MYO1H: variants seen among roughly 807,000 people sequenced by gnomAD.
MYO1H encodes myosin IH.
Under a neutral mutation model 149.3 loss-of-function variants are expected in MYO1H, and 118 were observed. The observed-to-expected ratio is 0.79, with a 90% CI of 0.68 to 0.92. The LOEUF (loss-of-function observed/expected upper bound fraction) is 0.92. MYO1H is among the 40% of genes least tolerant of loss of function. The pLI is 0.00. For synonymous variants in MYO1H, 447 were observed against 465.2 expected, an observed-to-expected ratio of 0.96 and a Z score of 0.50; for missense variants, 1,212 against 1,280.7, an observed-to-expected ratio of 0.95 and a Z score of 0.82.
rs1872237338 is a variant in MYO1H, at chr12:109,443,040, G to GTGTGTGTATATATGTGTACGTA, written c.2689-428_2689-407dup. Among the ~76,000 whole-genome samples the GTGTGTGTATATATGTGTACGTA allele has an allele frequency of 2.1e-4, 9 of 42,734 alleles. 2 individuals carry two copies. Among genetic ancestry groups the GTGTGTGTATATATGTGTACGTA allele is most frequent in the Non-Finnish European group, 3.1e-4 (6 of 19,368 alleles). 28.0% of individuals were successfully genotyped at this position (42,734 alleles called of 152,430 possible). ...TATATATATATATATGTGTGTGTGT[G>GTGTGTGTATATATGTGTACGTA]TGTGTGTATATATGTGTACGTATGT... On this transcript the variant is annotated intron_variant, in intron 27 of 31. Coordinates refer to ENST00000310903, the Ensembl canonical transcript of MYO1H.
chr12:109,407,238 G>A (rs1173358306), intron 9 of MYO1H, among the ~76,000 whole-genome samples: 1 of 152,020 alleles, frequency 6.6e-6, no homozygotes, highest in African/African-American at 2.4e-5. Context: ...AGCACCCTAT[G>A]TATCTCTTGT....
the MYO1H span, among the ~76,000 whole-genome samples, chr12:109,322,589 G>C: frequency 1.3e-5 from 2 of 152,112 alleles, no homozygotes; most frequent in Non-Finnish European, 2.9e-5. Context: ...GGGAGGCTGA[G>C]GCAGGTGGAT....
chr12:109,445,534 G>A (rs763756263), exon 31 of MYO1H: 12 of 1,610,304 alleles, frequency 7.5e-6, no homozygotes, highest in African/African-American at 2.7e-5. Context: ...TTATTAGTCC[G>A]GGAAAAGAAG....
exon 16 of MYO1H, chr12:109,421,025 G>A (rs1430793603): frequency 3.2e-6 from 5 of 1,575,870 alleles, no homozygotes; most frequent in African/African-American, 1.4e-5. Flanking sequence ...ACATCTGAAA[G>A]AAGTAAGTCT....
At position 109,427,455 on chromosome 12, in the gene MYO1H, C is replaced by T. The variant is rs773529671; in HGVS notation, c.1832-14C>T. 8 of 1,549,602 alleles carry T rather than the reference C, an allele frequency of 5.2e-6. No homozygotes were observed. The South Asian group carries it at 6.7e-5, about 13-fold the overall frequency. On this transcript the variant is annotated splice_polypyrimidine_tract_variant and intron_variant, in intron 18 of 31. Transcript: ENST00000310903. ...GGATCCTTTCCTGTCATTCTCTGTT[C>T]TATTTCTCCAAAGGCAAATTTGATG...
exon 21 of MYO1H, chr12:109,435,065 A>G: frequency 6.2e-7 from 1 of 1,609,000 alleles, no homozygotes; most frequent in South Asian, 1.1e-5. Context: ...TTTCCCCAGA[A>G]CTCTGTTTGC....
chr12:109,413,802 C>T (rs1463653103), intron 14 of MYO1H, among the ~76,000 whole-genome samples: 2 of 151,978 alleles, frequency 1.3e-5, no homozygotes, highest in African/African-American at 4.8e-5. Flanking sequence ...TCCAGCTACT[C>T]AGGAGGCTGA....
the MYO1H span, among the ~76,000 whole-genome samples, chr12:109,337,497 G>C: frequency 3.6e-4 from 55 of 152,256 alleles, no homozygotes; most frequent in African/African-American, 1.3e-3. Flanking sequence ...TCACAATAGG[G>C]GTGGAAACTG....
chr12:109,403,993 CAA>C lies in MYO1H; in HGVS notation c.764_765del (p.Lys255ArgfsTer5), dbSNP rs1382629207. On this transcript the variant is annotated frameshift_variant, in exon 7 of 32. Transcript: ENST00000310903. LOFTEE classifies it high-confidence loss of function. Reference sequence around the variant, plus strand: ...CTTTTTGTCAACAGGGTCATTGTGCCAAAGAGTCATCCATTAGTGACAAGAAT... The same window carrying C: ...CTTTTTGTCAACAGGGTCATTGTGCCAGAGTCATCCATTAGTGACAAGAAT... 3 of 1,613,144 alleles carry C rather than the reference CAA, an allele frequency of 1.9e-6. No homozygotes were observed. Among genetic ancestry groups the C allele is most frequent in the Non-Finnish European group, 8.5e-7 (1 of 1,179,398 alleles).
At chr12:109,442,795 CTT>C (rs747073389) in intron 27 of MYO1H, among the ~76,000 whole-genome samples, 2,796 of 93,950 alleles carry the variant, frequency 0.03, 61 homozygotes, top group Admixed American at 0.036. Flanking sequence ...AGTGTCTGCT[CTT>C]TTTTTTTTTT....
exon 15 of MYO1H, chr12:109,415,549 G>A (rs1340277627): frequency 3.1e-6 from 5 of 1,607,620 alleles, no homozygotes; most frequent in Admixed American, 3.4e-5. Context: ...GGTCCAAAGG[G>A]CCGAAAGAGG....
At chr12:109,359,056 G>T (rs1220284811) in intron 1 of MYO1H, among the ~76,000 whole-genome samples, 1 of 151,986 alleles carries the variant, frequency 6.6e-6, no homozygotes, top group Non-Finnish European at 1.5e-5. Flanking sequence ...ATGGTTTTCG[G>T]TGTCTGTGCC....
chr12:109,404,021 G>A, exon 7 of MYO1H: 2 of 1,613,784 alleles, frequency 1.2e-6, no homozygotes, highest in Non-Finnish European at 1.7e-6. Context: ...TGACAAGAAT[G>A]ACTGGAAAAC....
chr12:109,407,354 C>T (rs1333143752), intron 9 of MYO1H, among the ~76,000 whole-genome samples: 1 of 152,110 alleles, frequency 6.6e-6, no homozygotes, highest in Non-Finnish European at 1.5e-5. Context: ...TGGGTTACAG[C>T]TGTATCTCGG....
At chr12:109,350,659 A>G (rs912225298) in intron 1 of MYO1H, among the ~76,000 whole-genome samples, 11 of 152,214 alleles carry the variant, frequency 7.2e-5, no homozygotes, top group African/African-American at 2.7e-4. Context: ...GAAGAGACTC[A>G]TGGCTTATAT....
chr12:109,436,133 C>G (rs1871847296), intron 21 of MYO1H, among the ~76,000 whole-genome samples: 1 of 152,150 alleles, frequency 6.6e-6, no homozygotes, highest in African/African-American at 2.4e-5. Flanking sequence ...TCTGTCTGAG[C>G]CTGCGTGCCC....
At chr12:109,403,939 C>G (rs780268234) in intron 6 of MYO1H, 43 bp from the exon 7 acceptor site, 3 of 1,332,824 alleles carry the variant, frequency 2.3e-6, no homozygotes, top group Non-Finnish European at 2.1e-6. Flanking sequence ...CTTAATTGCC[C>G]CTATAAAAAT....
chr12:109,443,054 GTGTACGTA>G (rs1566044735), intron 27 of MYO1H, among the ~76,000 whole-genome samples: 5 of 71,552 alleles, frequency 7.0e-5, no homozygotes, highest in Non-Finnish European at 8.1e-5. Flanking sequence ...GTGTATATAT[GTGTACGTA>G]TGTGTGTATA....
the MYO1H span, among the ~76,000 whole-genome samples, chr12:109,328,028 T>C: frequency 1.3e-5 from 2 of 151,544 alleles, no homozygotes; most frequent in Non-Finnish European, 2.9e-5. Context: ...AGAAGAAGGA[T>C]GGTGATAGCT....
Sources: allele counts gnomAD v4.1 joint callset (sites outside exome capture counted in the v4.1 genomes callset), GRCh38; gene constraint gnomAD v4.1.1; transcripts MANE v1.5; gene names NCBI Gene and HGNC (gene_info 2026-07-23, HGNC 2026-07-21).